RFTN2: variants seen among roughly 807,000 people sequenced by gnomAD.
RFTN2 encodes raftlin-2.
A neutral mutation model predicts 52.7 loss-of-function variants in RFTN2; 34 were observed. That is an observed-to-expected ratio of 0.64 (90% CI 0.49 to 0.86). The LOEUF is 0.86. Ranked by LOEUF, RFTN2 falls within the 40% of genes least tolerant of loss-of-function variation. The pLI, the probability that RFTN2 is intolerant of heterozygous loss-of-function variation, is 0.00. For synonymous variants in RFTN2, 203 were observed against 217.7 expected, an observed-to-expected ratio of 0.93 and a Z score of 0.59; for missense variants, 536 against 600.1, an observed-to-expected ratio of 0.89 and a Z score of 1.12.
intron 8 of RFTN2, among the ~76,000 whole-genome samples, chr2:197,578,678 C>T (rs1039025602): frequency 6.6e-6 from 1 of 152,190 alleles, no homozygotes; most frequent in Admixed American, 6.5e-5. Context: ...TTCACTGACT[C>T]TCTTTTTGGA....
intron 8 of RFTN2, among the ~76,000 whole-genome samples, chr2:197,582,303 C>T (rs930931818): frequency 4.6e-5 from 7 of 152,254 alleles, no homozygotes; most frequent in Non-Finnish European, 8.8e-5. Context: ...GAGTCTCCCA[C>T]AATTACCATT....
At chr2:197,659,147 A>G (rs1026110645) in intron 1 of RFTN2, among the ~76,000 whole-genome samples, 1 of 152,212 alleles carries the variant, frequency 6.6e-6, no homozygotes, top group Admixed American at 6.5e-5. Flanking sequence ...AGTCCAAGAC[A>G]TACATATGTT....
chr2:197,644,794 T>G (rs2088725328), intron 2 of RFTN2, among the ~76,000 whole-genome samples: 1 of 152,212 alleles, frequency 6.6e-6, no homozygotes, highest in African/African-American at 2.4e-5. Context: ...AAAAATGTCA[T>G]GTTTGCTTAG....
chr2:197,594,725 C>A (rs946826969), intron 8 of RFTN2, among the ~76,000 whole-genome samples: 1 of 152,132 alleles, frequency 6.6e-6, no homozygotes, highest in African/African-American at 2.4e-5. Flanking sequence ...AATGTGGTTT[C>A]TAATTCTGTG....
At position 197,675,434 on chromosome 2, in the gene RFTN2, C is replaced by A; in HGVS notation, c.25G>T (p.Glu9Ter). Residue 9 changes from glutamate (E) to a stop codon, truncating the protein, a stop_gained, in exon 1 of 9, where the codon GAA becomes TAA. Coordinates refer to ENST00000295049, the MANE Select transcript of RFTN2 (RefSeq NM_144629.3). LOFTEE classifies it high-confidence loss of function. ...CCAGGGCTGCTATCATCAGGGTCTT[C>A]TAGCTTTCTAAGTCCGCACCCCATG... MGCGLRKL[E>*]DPDDSSPGKI... 1 of 1,597,316 alleles carries A rather than the reference C, an allele frequency of 6.3e-7. No individual in the cohort carries two copies.
chr2:197,665,912 C>T (rs1189772201), intron 1 of RFTN2, among the ~76,000 whole-genome samples: 1 of 152,026 alleles, frequency 6.6e-6, no homozygotes, highest in East Asian at 1.9e-4. Context: ...CCTTTCTCTT[C>T]CTCATTTATG....
intron 5 of RFTN2, among the ~76,000 whole-genome samples, chr2:197,623,811 C>T (rs769090965): frequency 2.6e-5 from 4 of 152,100 alleles, no homozygotes; most frequent in South Asian, 2.1e-4. Flanking sequence ...GAATTACAGG[C>T]GTGTCACTAC....
chr2:197,622,498 G>C (rs1444995060), intron 5 of RFTN2, among the ~76,000 whole-genome samples: 2 of 152,032 alleles, frequency 1.3e-5, no homozygotes, highest in African/African-American at 2.4e-5. Flanking sequence ...TAGAGGCGGG[G>C]TTTCACCATT....
At chr2:197,664,404 A>T (rs906472089) in intron 1 of RFTN2, among the ~76,000 whole-genome samples, 4 of 151,834 alleles carry the variant, frequency 2.6e-5, no homozygotes, top group Non-Finnish European at 5.9e-5. Flanking sequence ...TGAGCCCAGG[A>T]AGTTGATGCT....
chr2:197,583,768 T>C (rs1241857822), intron 8 of RFTN2, among the ~76,000 whole-genome samples: 1 of 152,022 alleles, frequency 6.6e-6, no homozygotes, highest in Non-Finnish European at 1.5e-5. Context: ...CCTAATGCTA[T>C]CCCTCCCCAC....
At chr2:197,645,298 G>A (rs180797258) in intron 2 of RFTN2, among the ~76,000 whole-genome samples, 2 of 152,270 alleles carry the variant, frequency 1.3e-5, no homozygotes, top group Admixed American at 6.5e-5. Context: ...GTACAGGTTT[G>A]GAGTCTCAGA....
At chr2:197,667,959 G>A (rs1325887757) in intron 1 of RFTN2, among the ~76,000 whole-genome samples, 4 of 152,170 alleles carry the variant, frequency 2.6e-5, no homozygotes, top group Non-Finnish European at 5.9e-5. Flanking sequence ...AGTGGGCTGG[G>A]TGGGTAGGAG....
chr2:197,623,206 T>G (rs1196912671), intron 5 of RFTN2, among the ~76,000 whole-genome samples: 1 of 152,222 alleles, frequency 6.6e-6, no homozygotes, highest in Non-Finnish European at 1.5e-5. Context: ...CTATTCTAGA[T>G]GCCATTAAGA....
chr2:197,599,805 G>A (rs1319805946), intron 7 of RFTN2, among the ~76,000 whole-genome samples: 1 of 152,162 alleles, frequency 6.6e-6, no homozygotes, highest in African/African-American at 2.4e-5. Context: ...TGGTGTGAAG[G>A]GGAATTGCCT....
At chr2:197,673,570 C>T (rs1241420650) in intron 1 of RFTN2, among the ~76,000 whole-genome samples, 1 of 152,168 alleles carries the variant, frequency 6.6e-6, no homozygotes, top group Non-Finnish European at 1.5e-5. Context: ...TTAACATTTG[C>T]ACACTCTGCC....
At chr2:197,603,097 T>G (rs1379858652) in intron 7 of RFTN2, among the ~76,000 whole-genome samples, 1 of 152,148 alleles carries the variant, frequency 6.6e-6, no homozygotes, top group African/African-American at 2.4e-5. Flanking sequence ...TGGGGAGAGA[T>G]AGCATTAGGA....
chr2:197,572,747 G>A (rs2106157113), intron 8 of RFTN2, among the ~76,000 whole-genome samples: 1 of 152,288 alleles, frequency 6.6e-6, no homozygotes, highest in East Asian at 1.9e-4. Flanking sequence ...ATATGGTTTG[G>A]CTGTGTCCCC....
intron 1 of RFTN2, among the ~76,000 whole-genome samples, chr2:197,656,904 G>A (rs2088902085): frequency 6.6e-6 from 1 of 152,142 alleles, no homozygotes; most frequent in Non-Finnish European, 1.5e-5. Flanking sequence ...AGCTACACAG[G>A]AGGAGGCTGC....
intron 5 of RFTN2, among the ~76,000 whole-genome samples, chr2:197,625,663 T>TCTCTCCTCTCCTCTC (rs745983424): frequency 1.2e-3 from 59 of 47,404 alleles, no homozygotes; most frequent in African/African-American, 3.8e-3. Context: ...AAGAAATTCC[T>TCTCTCCTCTCCTCTC]CTCTCCTCTC....
Sources: allele counts gnomAD v4.1 joint callset (sites outside exome capture counted in the v4.1 genomes callset), GRCh38; gene constraint gnomAD v4.1.1; transcripts MANE v1.5; gene names NCBI Gene and HGNC (gene_info 2026-07-23, HGNC 2026-07-21).